Variants in NUTF2 observed in about 807,000 individuals in gnomAD.
NUTF2 encodes the protein nuclear transport factor 2, also known as placental protein 15.
A neutral mutation model predicts 18.5 loss-of-function variants in NUTF2; 3 were observed. The observed-to-expected ratio is 0.16, with a 90% CI of 0.07 to 0.42. The LOEUF (loss-of-function observed/expected upper bound fraction) is 0.42. NUTF2 is among the 10% of genes least tolerant of loss of function. The probability of loss-of-function intolerance (pLI) is 0.99; values close to 1 mark genes in which losing one functional copy is unlikely to be tolerated. For missense variants in NUTF2, 44 were observed against 160.7 expected, an observed-to-expected ratio of 0.27 and a Z score of 3.93; for synonymous variants, 51 against 57.9, an observed-to-expected ratio of 0.88 and a Z score of 0.54.
At chr16:67,862,430 T>A (rs1233966403) in intron 1 of NUTF2, among the ~76,000 whole-genome samples, 1 of 152,182 alleles carries the variant, frequency 6.6e-6, no homozygotes, top group Non-Finnish European at 1.5e-5. Flanking sequence ...TCAGAGAGCT[T>A]ACTCTTCCCC....
intron 1 of NUTF2, among the ~76,000 whole-genome samples, chr16:67,861,758 C>G (rs967152632): frequency 6.6e-6 from 1 of 152,142 alleles, no homozygotes; most frequent in African/African-American, 2.4e-5. Flanking sequence ...CCTCTGAGCC[C>G]GGGCTTTTTT....
chr16:67,847,091 C>T (rs899658210), intron 1 of NUTF2, 106 bp downstream of exon 1: 2 of 149,684 alleles, frequency 1.3e-5, no homozygotes, highest in African/African-American at 4.9e-5. Flanking sequence ...CCTCCCCTCC[C>T]CCCCCCCCGG....
intron 1 of NUTF2, among the ~76,000 whole-genome samples, chr16:67,860,730 C>T (rs932882916): frequency 2.0e-5 from 3 of 152,212 alleles, no homozygotes; most frequent in African/African-American, 4.8e-5. Flanking sequence ...GTAGGCCATG[C>T]AAATCTGCTG....
intron 2 of NUTF2, among the ~76,000 whole-genome samples, chr16:67,868,040 T>C (rs2057986340): frequency 6.6e-6 from 1 of 152,240 alleles, no homozygotes; most frequent in South Asian, 2.1e-4. Flanking sequence ...GCAGGATGGC[T>C]GAGCTCAGGC....
intron 1 of NUTF2, among the ~76,000 whole-genome samples, chr16:67,854,736 C>G (rs1051235064): frequency 2.6e-5 from 4 of 152,100 alleles, no homozygotes; most frequent in Non-Finnish European, 5.9e-5. Context: ...CATCTGAGGT[C>G]AGGAGTTTGA....
At chr16:67,864,931 G>T (rs917534158) in intron 1 of NUTF2, among the ~76,000 whole-genome samples, 171 bp from the exon 2 acceptor site, 1 of 152,164 alleles carries the variant, frequency 6.6e-6, no homozygotes, top group Non-Finnish European at 1.5e-5. Context: ...TCCTAGCACT[G>T]GTCTGGCTTG....
At chr16:67,867,310 G>A (rs2057979867) in intron 2 of NUTF2, among the ~76,000 whole-genome samples, 1 of 152,184 alleles carries the variant, frequency 6.6e-6, no homozygotes, top group Non-Finnish European at 1.5e-5. Context: ...AGAGAAGAGA[G>A]TTAGCAAGGT....
At chr16:67,869,538 C>T (rs2151301565) in intron 4 of NUTF2, among the ~76,000 whole-genome samples, 1 of 151,808 alleles carries the variant, frequency 6.6e-6, no homozygotes, top group South Asian at 2.1e-4. Flanking sequence ...GTAATCCCAG[C>T]ACTTTGGGAG....
rs1370784959 is a variant in NUTF2, at chr16:67,871,865, A to G, written c.*952A>G. Reference sequence around the variant, plus strand: ...GGATATCTTTACCCAAAGGCAGGTAACCCGAAGAGCCAGCCTCCACTGCCC... The same window carrying G: ...GGATATCTTTACCCAAAGGCAGGTAGCCCGAAGAGCCAGCCTCCACTGCCC... On this transcript the variant is annotated 3_prime_UTR_variant, in exon 5 of 5. Coordinates refer to ENST00000219169, the MANE Select transcript of NUTF2 (RefSeq NM_005796.3). 6.6e-6 allele frequency: 1 copy of G among 152,296 alleles called. No homozygotes were observed. Among genetic ancestry groups the G allele is most frequent in the East Asian group, 1.9e-4 (1 of 5,196 alleles). 9.4% of individuals were successfully genotyped at this position (152,296 alleles called of 1,614,324 possible).
chr16:67,850,690 C>G (rs1168081688), intron 1 of NUTF2, among the ~76,000 whole-genome samples: 1 of 152,164 alleles, frequency 6.6e-6, no homozygotes, highest in African/African-American at 2.4e-5. Context: ...GAAGTGGGAC[C>G]TGGCATGCGG....
intron 1 of NUTF2, among the ~76,000 whole-genome samples, chr16:67,860,462 T>C (rs2057928005): frequency 6.6e-6 from 1 of 151,892 alleles, no homozygotes; most frequent in African/African-American, 2.4e-5. Flanking sequence ...TTTTTGTAGA[T>C]ATGGGGCTTT....
chr16:67,850,517 C>A (rs2057846425), intron 1 of NUTF2, among the ~76,000 whole-genome samples: 1 of 151,966 alleles, frequency 6.6e-6, no homozygotes, highest in Admixed American at 6.6e-5. Flanking sequence ...TTCCCTGTAA[C>A]CTCTTTGTCT....
chr16:67,865,002 G>T (rs2057960798), intron 1 of NUTF2, 100 bp from the exon 2 acceptor site: 1 of 637,430 alleles, frequency 1.6e-6, no homozygotes, highest in Non-Finnish European at 2.8e-6. Context: ...ACAGATCTCA[G>T]CAAAGGACTC....
intron 2 of NUTF2, among the ~76,000 whole-genome samples, chr16:67,867,944 C>T (rs1464912769): frequency 6.6e-6 from 1 of 152,172 alleles, no homozygotes; most frequent in African/African-American, 2.4e-5. Context: ...CCTTGGCTTC[C>T]CAAAGTTCTG....
At chr16:67,856,490 C>A (rs1001193571) in intron 1 of NUTF2, among the ~76,000 whole-genome samples, 45 of 143,650 alleles carry the variant, frequency 3.1e-4, no homozygotes, top group Non-Finnish European at 9.1e-5. Context: ...ATCCCTGGCC[C>A]AGTTTTTTTT....
At position 67,856,095 on chromosome 16, in the gene NUTF2, G is replaced by A. The variant is rs143182774; in HGVS notation, c.-29-9007G>A. 2.3e-5 allele frequency: 13 copies of A among 563,842 alleles called. No homozygotes were observed. The East Asian group carries it at 3.5e-4, about 15-fold the overall frequency. The allele number at this position is 563,842 out of a possible 1,614,324, so 34.9% of individuals were successfully genotyped here. A position where few individuals can be genotyped will look rare whatever the true frequency, so the allele number is the denominator to read the frequency against. ...TGGACGTCCCTGAAGAAGGTGGACAGGTGTATGGACATGTTCTTGTAACAC... is the reference window on the plus strand; with the variant it reads ...TGGACGTCCCTGAAGAAGGTGGACAAGTGTATGGACATGTTCTTGTAACAC... On this transcript the variant is annotated intron_variant, in intron 1 of 4. Coordinates refer to ENST00000219169, the MANE Select transcript of NUTF2 (RefSeq NM_005796.3).
chr16:67,860,043 A>G (rs1011134201), intron 1 of NUTF2, among the ~76,000 whole-genome samples: 18 of 150,130 alleles, frequency 1.2e-4, no homozygotes, highest in African/African-American at 4.2e-4. Context: ...GCAGTGGTGC[A>G]ATCTCCACTC....
At chr16:67,868,133 T>C (rs573085695) in intron 2 of NUTF2, among the ~76,000 whole-genome samples, 1 of 152,270 alleles carries the variant, frequency 6.6e-6, no homozygotes, top group South Asian at 2.1e-4. Flanking sequence ...TATTAAATAG[T>C]CTTTCAAAGC....
intron 1 of NUTF2, among the ~76,000 whole-genome samples, chr16:67,857,620 C>A (rs1265792527): frequency 1.3e-5 from 2 of 152,238 alleles, no homozygotes; most frequent in Non-Finnish European, 2.9e-5. Flanking sequence ...ATACCCCATT[C>A]ATTACCTCCT....
Sources: allele counts gnomAD v4.1 joint callset (sites outside exome capture counted in the v4.1 genomes callset), GRCh38; gene constraint gnomAD v4.1.1; transcripts MANE v1.5; gene names NCBI Gene and HGNC (gene_info 2026-07-23, HGNC 2026-07-21).